GABRB2: variants seen among roughly 807,000 people sequenced by gnomAD.
The protein encoded by GABRB2 is gamma-aminobutyric acid type A receptor subunit beta2.
A neutral mutation model predicts 54.7 loss-of-function variants in GABRB2; 16 were observed. That is an observed-to-expected ratio of 0.29 (90% CI 0.20 to 0.44). GABRB2 has a LOEUF of 0.44. Ranked by LOEUF, GABRB2 falls within the 20% of genes least tolerant of loss-of-function variation. The probability of loss-of-function intolerance (pLI) is 1.00; values close to 1 mark genes in which losing one functional copy is unlikely to be tolerated. For missense variants in GABRB2, 355 were observed against 644.0 expected, an observed-to-expected ratio of 0.55 and a Z score of 4.86; for synonymous variants, 244 against 233.8, an observed-to-expected ratio of 1.04 and a Z score of -0.40.
chr5:161,507,103 A>G (rs1207584727), intron 3 of GABRB2, among the ~76,000 whole-genome samples: 1 of 152,074 alleles, frequency 6.6e-6, no homozygotes, highest in Non-Finnish European at 1.5e-5. Context: ...ACATTCTGAA[A>G]ATACCTAAGT....
chr5:161,528,104 A>G (rs1268713209), intron 3 of GABRB2, among the ~76,000 whole-genome samples: 1 of 151,800 alleles, frequency 6.6e-6, no homozygotes, highest in Non-Finnish European at 1.5e-5. Flanking sequence ...CATTCACACA[A>G]GGGAATTCTA....
At chr5:161,439,667 C>A (rs1248356182) in intron 4 of GABRB2, among the ~76,000 whole-genome samples, 1 of 151,498 alleles carries the variant, frequency 6.6e-6, no homozygotes, top group Non-Finnish European at 1.5e-5. Flanking sequence ...GGGGACGAAG[C>A]TAAAGAGTAG....
At chr5:161,352,379 C>CA (rs1012808254) in intron 5 of GABRB2, among the ~76,000 whole-genome samples, 34 of 145,346 alleles carry the variant, frequency 2.3e-4, no homozygotes, top group South Asian at 8.7e-4. Context: ...GTTAAAAAGA[C>CA]AAAAAAAAAA....
intron 4 of GABRB2, among the ~76,000 whole-genome samples, chr5:161,424,641 C>A (rs1284739905): frequency 6.6e-6 from 1 of 152,078 alleles, no homozygotes; most frequent in African/African-American, 2.4e-5. Flanking sequence ...CCCAAGAGCT[C>A]TTATGGAGAT....
rs141491322 is a variant in GABRB2 at position 161,489,502 on chromosome 5, C to T, written c.238-29658G>A. Among the ~76,000 whole-genome samples, 138 of 151,700 alleles carry T rather than the reference C, an allele frequency of 9.1e-4. 1 individual carries two copies. Among genetic ancestry groups the T allele is most frequent in the African/African-American group, 3.1e-3 (129 of 41,472 alleles). ...ACAGAGTAGATAAATTTGTTAAGGT[C>T]ACACTGGTAGGAAATGAGAGGATCT... On this transcript the variant is annotated intron_variant, in intron 3 of 9. Coordinates refer to ENST00000393959, the MANE Select transcript of GABRB2 (RefSeq NM_001371727.1).
At chr5:161,464,271 A>G (rs773768853) in intron 3 of GABRB2, among the ~76,000 whole-genome samples, 1 of 152,164 alleles carries the variant, frequency 6.6e-6, no homozygotes, top group Non-Finnish European at 1.5e-5. Context: ...TCTAACAAAG[A>G]TAAGCAAAAG....
intron 5 of GABRB2, among the ~76,000 whole-genome samples, chr5:161,367,296 A>G (rs996624743): frequency 6.6e-6 from 1 of 152,212 alleles, no homozygotes; most frequent in African/African-American, 2.4e-5. Flanking sequence ...AAATACTACA[A>G]CTTAATTCAA....
chr5:161,495,488 A>G (rs1759209048), intron 3 of GABRB2, among the ~76,000 whole-genome samples: 1 of 151,992 alleles, frequency 6.6e-6, no homozygotes, highest in South Asian at 2.1e-4. Context: ...TTTTTTAATG[A>G]TTTTTTTCTA....
At chr5:161,322,357 T>C (rs1465207998) in intron 9 of GABRB2, among the ~76,000 whole-genome samples, 2 of 152,112 alleles carry the variant, frequency 1.3e-5, no homozygotes, top group Non-Finnish European at 2.9e-5. Context: ...TGCCTCTGCC[T>C]CCCTTGTAGC....
At chr5:161,512,978 A>G (rs1239479619) in intron 3 of GABRB2, among the ~76,000 whole-genome samples, 1 of 152,064 alleles carries the variant, frequency 6.6e-6, no homozygotes, top group African/African-American at 2.4e-5. Flanking sequence ...TCATCAAAGG[A>G]ATACAAATCA....
At chr5:161,321,193 T>G (rs756804409) in intron 9 of GABRB2, among the ~76,000 whole-genome samples, 49 of 152,068 alleles carry the variant, frequency 3.2e-4, no homozygotes, top group Non-Finnish European at 5.9e-4. Flanking sequence ...ATGCTAATTT[T>G]ATTATTAATC....
At chr5:161,471,476 A>G (rs1198528144) in intron 3 of GABRB2, among the ~76,000 whole-genome samples, 1 of 152,048 alleles carries the variant, frequency 6.6e-6, no homozygotes, top group Non-Finnish European at 1.5e-5. Context: ...ATTGCTAGAG[A>G]CACATTCAGG....
intron 5 of GABRB2, among the ~76,000 whole-genome samples, chr5:161,360,721 C>T (rs963302840): frequency 6.6e-6 from 1 of 152,094 alleles, no homozygotes; most frequent in African/African-American, 2.4e-5. Flanking sequence ...GCTGCTAACA[C>T]CACAAAAAGA....
chr5:161,304,697 A>T (rs1365445428), intron 9 of GABRB2, among the ~76,000 whole-genome samples: 1 of 151,362 alleles, frequency 6.6e-6, no homozygotes, highest in Non-Finnish European at 1.5e-5. Context: ...TTTTTTTTTT[A>T]AAGAATAATA....
At chr5:161,405,651 C>A (rs1008881018) in intron 5 of GABRB2, among the ~76,000 whole-genome samples, 8 of 152,048 alleles carry the variant, frequency 5.3e-5, no homozygotes, top group African/African-American at 1.7e-4. Context: ...CTCTAAGGTG[C>A]TATCGACGTT....
intron 5 of GABRB2, among the ~76,000 whole-genome samples, chr5:161,371,835 C>T (rs112100554): frequency 3.3e-5 from 5 of 152,224 alleles, no homozygotes; most frequent in African/African-American, 1.2e-4. Flanking sequence ...GATCCTCCCT[C>T]CTCAACCTCC....
chr5:161,365,546 C>T (rs1207205731), intron 5 of GABRB2, among the ~76,000 whole-genome samples: 1 of 152,178 alleles, frequency 6.6e-6, no homozygotes, highest in Admixed American at 6.5e-5. Context: ...TCATATCTGA[C>T]TTCTCAAACA....
chr5:161,537,351 AT>A (rs1760670393), intron 3 of GABRB2, among the ~76,000 whole-genome samples: 2 of 152,076 alleles, frequency 1.3e-5, no homozygotes, highest in African/African-American at 2.4e-5. Flanking sequence ...TTGTACACCT[AT>A]ATTTTCCAAT....
At chr5:161,355,774 G>A (rs1365965132) in intron 5 of GABRB2, among the ~76,000 whole-genome samples, 1 of 152,044 alleles carries the variant, frequency 6.6e-6, no homozygotes. Context: ...TATTCTGATG[G>A]TTCTTTATTT....
Sources: allele counts gnomAD v4.1 joint callset (sites outside exome capture counted in the v4.1 genomes callset), GRCh38; gene constraint gnomAD v4.1.1; transcripts MANE v1.5; gene names NCBI Gene and HGNC (gene_info 2026-07-23, HGNC 2026-07-21).